PDE4D: variants seen among roughly 807,000 people sequenced by gnomAD.
PDE4D encodes phosphodiesterase 4D.
A neutral mutation model predicts 87.4 loss-of-function variants in PDE4D; 24 were observed. That is an observed-to-expected ratio of 0.27 (90% CI 0.20 to 0.39). PDE4D has a LOEUF of 0.39. Ranked by LOEUF, PDE4D falls within the 10% of genes least tolerant of loss-of-function variation. The probability of loss-of-function intolerance (pLI) is 1.00; values close to 1 mark genes in which losing one functional copy is unlikely to be tolerated. For synonymous variants in PDE4D, 384 were observed against 383.2 expected, an observed-to-expected ratio of 1.00 and a Z score of -0.02; for missense variants, 714 against 1,041.0, an observed-to-expected ratio of 0.69 and a Z score of 4.32.
intron 11 of PDE4D, among the ~76,000 whole-genome samples, chr5:58,987,882 A>T (rs1746855706): frequency 6.6e-6 from 1 of 152,168 alleles, no homozygotes; most frequent in Non-Finnish European, 1.5e-5. Flanking sequence ...CATTCCCTAC[A>T]CAGGCTTTCT....
chr5:60,375,021 G>T (rs1034604448), intron 1 of PDE4D, among the ~76,000 whole-genome samples: 3 of 152,088 alleles, frequency 2.0e-5, no homozygotes, highest in African/African-American at 7.2e-5. Flanking sequence ...TAGGTAATCT[G>T]GTTCTAGCTC....
At chr5:59,843,102 T>C (rs1743267080) in intron 1 of PDE4D, among the ~76,000 whole-genome samples, 1 of 151,952 alleles carries the variant, frequency 6.6e-6, no homozygotes, top group African/African-American at 2.4e-5. Flanking sequence ...TCAGGAAACA[T>C]ATGGTGTAAA....
At chr5:59,774,121 T>C (rs1243364360) in intron 1 of PDE4D, among the ~76,000 whole-genome samples, 1 of 152,170 alleles carries the variant, frequency 6.6e-6, no homozygotes, top group Non-Finnish European at 1.5e-5. Context: ...TTTTTAGACT[T>C]TTTACTATGG....
At chr5:60,039,037 C>T (rs2152866043) in intron 2 of PDE4D, among the ~76,000 whole-genome samples, 1 of 151,136 alleles carries the variant, frequency 6.6e-6, no homozygotes, top group African/African-American at 2.4e-5. Flanking sequence ...GGCGATTCCT[C>T]AGGGATCTAG....
chr5:60,336,821 G>C (rs1288961318), intron 1 of PDE4D, among the ~76,000 whole-genome samples: 1 of 152,046 alleles, frequency 6.6e-6, no homozygotes, highest in Non-Finnish European at 1.5e-5. Flanking sequence ...GGGTTGGGTT[G>C]GGTTGCCAGA....
intron 1 of PDE4D, among the ~76,000 whole-genome samples, chr5:60,414,697 CTTTCT>C (rs961391033): frequency 1.3e-5 from 2 of 152,186 alleles, no homozygotes; most frequent in African/African-American, 2.4e-5. Context: ...TTTCTGAACT[CTTTCT>C]TTTAAGTGTT....
chr5:59,303,763 A>G (rs1488153849), intron 1 of PDE4D, among the ~76,000 whole-genome samples: 2 of 152,116 alleles, frequency 1.3e-5, no homozygotes, highest in Non-Finnish European at 2.9e-5. Context: ...CTATTTTTAT[A>G]CCAGTACCAT....
At chr5:60,351,715 T>C (rs556869581) in intron 1 of PDE4D, among the ~76,000 whole-genome samples, 1 of 152,154 alleles carries the variant, frequency 6.6e-6, no homozygotes, top group Admixed American at 6.6e-5. Flanking sequence ...TTATTATAGC[T>C]GAATATAATT....
Position 59,668,890 on chromosome 5 carries a change from A to G in PDE4D, c.455+224278T>C, listed in dbSNP as rs1278820622. 1.1e-3 allele frequency among the ~76,000 whole-genome samples: 87 copies of G among 79,330 alleles called. 2 individuals carry two copies. The highest frequency in any genetic ancestry group is 4.6e-3 in the African/African-American group (86 of 18,538). The allele number at this position is 79,330 out of a possible 152,430, so 52.0% of individuals were successfully genotyped here. A position where few individuals can be genotyped will look rare whatever the true frequency, so the allele number is the denominator to read the frequency against. On this transcript the variant is annotated intron_variant, in intron 1 of 14. Coordinates refer to ENST00000340635, the MANE Select transcript of PDE4D (RefSeq NM_001104631.2). ...AAGAAGAAGAAGAAGAAGAAGAAGA[A>G]GAAGAAGAAGAAGAAGAAGAAGAAG...
chr5:60,264,451 C>T (rs981245492), intron 1 of PDE4D, among the ~76,000 whole-genome samples: 4 of 152,100 alleles, frequency 2.6e-5, no homozygotes, highest in Admixed American at 2.6e-4. Context: ...CTCCCCAGGC[C>T]CCACGCTCTC....
intron 1 of PDE4D, among the ~76,000 whole-genome samples, chr5:60,457,974 T>C (rs185265652): frequency 3.9e-5 from 6 of 152,308 alleles, no homozygotes; most frequent in African/African-American, 1.4e-4. Context: ...TGTATCAGAC[T>C]CTCCACTGAG....
intron 1 of PDE4D, among the ~76,000 whole-genome samples, chr5:59,798,626 C>A (rs1766780189): frequency 6.6e-6 from 1 of 152,140 alleles, no homozygotes; most frequent in African/African-American, 2.4e-5. Flanking sequence ...CTAACACCTT[C>A]CATATAGAAA....
chr5:60,134,329 C>A (rs565725513), intron 2 of PDE4D, among the ~76,000 whole-genome samples: 9 of 152,130 alleles, frequency 5.9e-5, no homozygotes, highest in African/African-American at 1.9e-4. Flanking sequence ...TTTGTAGAGA[C>A]CCCATCTCCA....
intron 1 of PDE4D, among the ~76,000 whole-genome samples, chr5:60,359,294 G>C (rs1002776253): frequency 1.3e-5 from 2 of 152,172 alleles, no homozygotes; most frequent in Non-Finnish European, 2.9e-5. Flanking sequence ...TGTGATCCCA[G>C]CTACTCAGGA....
intron 1 of PDE4D, among the ~76,000 whole-genome samples, chr5:60,195,521 A>AT (rs1462740559): frequency 6.6e-6 from 1 of 151,826 alleles, no homozygotes; most frequent in Non-Finnish European, 1.5e-5. Context: ...TAAAACCATC[A>AT]TTCTATTCCC....
chr5:60,020,334 G>A (rs561352858), intron 2 of PDE4D, among the ~76,000 whole-genome samples: 1 of 152,296 alleles, frequency 6.6e-6, no homozygotes, highest in South Asian at 2.1e-4. Context: ...TTACCAAAAT[G>A]AGACACAAAG....
intron 1 of PDE4D, among the ~76,000 whole-genome samples, chr5:60,307,494 C>T (rs1754610114): frequency 6.6e-6 from 1 of 152,012 alleles, no homozygotes; most frequent in South Asian, 2.1e-4. Context: ...TTGTACATGC[C>T]AGCAAATTCT....
chr5:60,127,766 C>T lies in PDE4D; in HGVS notation c.42+57791G>A, dbSNP rs141686537. 2.7e-4 allele frequency: 140 copies of T among 520,464 alleles called. 1 individual carries two copies. In the Admixed American group the frequency reaches 3.5e-3, roughly 13 times the overall value. The allele number at this position is 520,464 out of a possible 1,614,324, so 32.2% of individuals were successfully genotyped here. On this transcript the variant is annotated intron_variant, in intron 2 of 16. Coordinates refer to the PDE4D transcript ENST00000502484. ...CACTCAATGGAAGATATTGAAAAAGCGGTAGGATATACAGGTCTGAGTTCC... is the reference window on the plus strand; with the variant it reads ...CACTCAATGGAAGATATTGAAAAAGTGGTAGGATATACAGGTCTGAGTTCC...
chr5:60,456,692 A>T (rs1426412558), intron 1 of PDE4D, among the ~76,000 whole-genome samples: 1 of 152,176 alleles, frequency 6.6e-6, no homozygotes, highest in Non-Finnish European at 1.5e-5. Context: ...TTTTGTCTCA[A>T]CTTCTCCTTC....
Sources: gnomAD v4.1 joint callset for allele counts (sites outside exome capture counted in the v4.1 genomes callset) on GRCh38, gnomAD v4.1.1 for gene constraint, MANE v1.5 for transcripts, NCBI Gene and HGNC (gene_info 2026-07-23, HGNC 2026-07-21) for gene names.